Variants in RADIL observed in about 807,000 individuals in gnomAD.
RADIL encodes ras-associating and dilute domain-containing protein.
Under a neutral mutation model 97.6 loss-of-function variants are expected in RADIL, and 99 were observed. The ratio of observed to expected loss-of-function variants is 1.01; its 90% confidence interval spans 0.86 to 1.20. The LOEUF is 1.20. Among genes scored for constraint, RADIL ranks in the 50% most tolerant of loss-of-function variants. The probability of loss-of-function intolerance (pLI) is 0.00; values close to 1 mark genes in which losing one functional copy is unlikely to be tolerated. For synonymous variants in RADIL, 803 were observed against 691.8 expected, an observed-to-expected ratio of 1.16 and a Z score of -2.52; for missense variants, 1,765 against 1,498.9, an observed-to-expected ratio of 1.18 and a Z score of -2.93.
chr7:4,843,725 A>G (rs1037261891), intron 2 of RADIL, among the ~76,000 whole-genome samples: 4 of 152,160 alleles, frequency 2.6e-5, no homozygotes, highest in African/African-American at 4.8e-5. Flanking sequence ...CAGCCTGGAC[A>G]ACATGGGGAA....
In RADIL at chr7:4,877,858, CT is replaced by C; in HGVS notation, c.281del (p.Lys94ArgfsTer49). On this transcript the variant is annotated frameshift_variant, in exon 2 of 15. Transcript: ENST00000399583. LOFTEE classifies it high-confidence loss of function. ...TGTSSARELVKEALERYALDP... is the reference protein window; with the variant it reads ...TGTSSARELVXEALERYALDP... ...CCAGGGCGTACCGCTCCAGCGCCTC[CT>C]TCACCAGCTCACGGGCGCTGGAGGT... 6.2e-7 allele frequency: 1 copy of C among 1,606,254 alleles called. No homozygotes were observed.
intron 9 of RADIL, among the ~76,000 whole-genome samples, chr7:4,807,040 C>T (rs888460452): frequency 6.6e-6 from 1 of 152,128 alleles, no homozygotes; most frequent in South Asian, 2.1e-4. Context: ...ACTGCCTGCA[C>T]CTGCCTTCCC....
chr7:4,804,213 G>C (rs1324036326), intron 10 of RADIL: 10 of 250,510 alleles, frequency 4.0e-5, no homozygotes, highest in Non-Finnish European at 6.6e-5. Context: ...CCAGGAACAG[G>C]AGCACCTTTC....
intron 10 of RADIL, 28 bp from the exon 11 acceptor site, chr7:4,803,782 G>C: frequency 6.5e-7 from 1 of 1,533,870 alleles, no homozygotes; most frequent in Non-Finnish European, 8.8e-7. Flanking sequence ...TGCCCGTAAT[G>C]GCCACAGGAG....
intron 2 of RADIL, among the ~76,000 whole-genome samples, chr7:4,852,170 T>G (rs574271045): frequency 6.6e-6 from 1 of 152,228 alleles, no homozygotes; most frequent in African/African-American, 2.4e-5. Context: ...CTGGCTGGCC[T>G]AGACTGAAGG....
rs747464080 is a variant in RADIL, at chr7:4,802,000, G to A, written c.2500-5C>T. ...AAGGACCACGTGGTGCATACCCTAGGGAGAGGAAGGGTGACAGCTCAGGTA... is the reference window on the plus strand; with the variant it reads ...AAGGACCACGTGGTGCATACCCTAGAGAGAGGAAGGGTGACAGCTCAGGTA... On this transcript the variant is annotated splice_region_variant and splice_polypyrimidine_tract_variant and intron_variant, in intron 11 of 14. Transcript: ENST00000399583. 2.7e-6 allele frequency: 4 copies of A among 1,497,322 alleles called. No individual in the cohort carries two copies. Among genetic ancestry groups the A allele is most frequent in the Non-Finnish European group, 2.7e-6 (3 of 1,124,684 alleles). The allele number at this position is 1,497,322 out of a possible 1,614,324, so 92.8% of individuals were successfully genotyped here. A position where few individuals can be genotyped will look rare whatever the true frequency, so the allele number is the denominator to read the frequency against.
intron 7 of RADIL, 87 bp from the exon 8 acceptor site, chr7:4,816,552 C>T: frequency 9.2e-7 from 1 of 1,086,114 alleles, no homozygotes; most frequent in Non-Finnish European, 1.4e-6. Flanking sequence ...AGCTCCCCAC[C>T]CACGCACTGC....
chr7:4,809,743 CG>C, intron 9 of RADIL: 1 of 626,902 alleles, frequency 1.6e-6, no homozygotes, highest in Non-Finnish European at 2.0e-6. Flanking sequence ...AGTGCAGTGG[CG>C]TGATCTCGGC....
chr7:4,800,041 G>T, intron 13 of RADIL, 130 bp downstream of exon 13: 1 of 1,359,770 alleles, frequency 7.4e-7, no homozygotes, highest in Non-Finnish European at 9.7e-7. Flanking sequence ...AGCTGCAGAG[G>T]CCAACCCCAC....
intron 2 of RADIL, among the ~76,000 whole-genome samples, chr7:4,848,074 T>C (rs1189261166): frequency 6.6e-6 from 1 of 152,024 alleles, no homozygotes; most frequent in African/African-American, 2.4e-5. Flanking sequence ...CACACATCTG[T>C]AGTCCCAGCT....
intron 11 of RADIL, among the ~76,000 whole-genome samples, chr7:4,802,927 T>TGGC (rs1782158879): frequency 1.1e-4 from 4 of 35,324 alleles, no homozygotes; most frequent in East Asian, 7.0e-4. Context: ...GCTGGCTGGG[T>TGGC]CCCCTCCCCG....
In RADIL at chr7:4,835,121, C is replaced by A. The variant is rs373811916; in HGVS notation, c.902G>T (p.Arg301Leu). ...PDILPLHCTI[R>L]RQPLPDSGQA... ...GCCGCTGTCCGGGAGCGGTTGCCGGCGGATGGTGCAGTGTAGAGGCAGGAT... is the reference window on the plus strand; with the variant it reads ...GCCGCTGTCCGGGAGCGGTTGCCGGAGGATGGTGCAGTGTAGAGGCAGGAT... Residue 301 changes from arginine (R) to leucine (L), a missense_variant, in exon 4 of 15, where the codon CGC becomes CTC. By Grantham distance (102) the Arg-to-Leu change is moderately radical. Coordinates refer to ENST00000399583, the MANE Select transcript of RADIL (RefSeq NM_018059.5). The surrounding 1 kb of genome is among the most constrained non-coding windows in gnomAD (Gnocchi z 5.8). 10 of 1,609,220 alleles carry A rather than the reference C, an allele frequency of 6.2e-6. No homozygotes were observed. The highest frequency in any genetic ancestry group is 6.8e-6 in the Non-Finnish European group (8 of 1,178,288).
rs962177584 is a variant in RADIL, at chr7:4,879,648, G to A, written c.-64-1445C>T. On this transcript the variant is annotated intron_variant, in intron 1 of 14. Transcript: ENST00000399583. The surrounding 1 kb of genome is among the most constrained non-coding windows in gnomAD (Gnocchi z 4.1). ...TGTCCAGGCTTGACTCACTCGTCACGCTGCGGGCGCTGCAAAAGGCTTCTG... is the reference window on the plus strand; with the variant it reads ...TGTCCAGGCTTGACTCACTCGTCACACTGCGGGCGCTGCAAAAGGCTTCTG... 2.0e-5 allele frequency among the ~76,000 whole-genome samples: 3 copies of A among 152,146 alleles called. No individual in the cohort carries two copies. Among genetic ancestry groups the A allele is most frequent in the African/African-American group, 7.2e-5 (3 of 41,426 alleles).
chr7:4,855,799 T>G (rs1367744710), intron 2 of RADIL, among the ~76,000 whole-genome samples: 1 of 151,920 alleles, frequency 6.6e-6, no homozygotes, highest in South Asian at 2.1e-4. Flanking sequence ...GGGGATTTTA[T>G]TGTTTTCGAT....
chr7:4,817,354 G>A lies in RADIL; in HGVS notation c.1616-3C>T. The A allele has an allele frequency of 6.2e-7, 1 of 1,609,924 alleles. No homozygotes were observed. The highest frequency in any genetic ancestry group is 8.5e-7 in the Non-Finnish European group (1 of 1,178,664). ...GGAGAACAGCGATTCCTTCGAGCCT[G>A]CCGGGAGACAGCCACGCCAATGGTC... On this transcript the variant is annotated splice_polypyrimidine_tract_variant and splice_region_variant and intron_variant, in intron 6 of 14. Coordinates refer to ENST00000399583, the MANE Select transcript of RADIL (RefSeq NM_018059.5). The surrounding 1 kb of genome is among the most constrained non-coding windows in gnomAD (Gnocchi z 8.3).
At chr7:4,847,600 C>T (rs1174896413) in intron 2 of RADIL, among the ~76,000 whole-genome samples, 2 of 152,024 alleles carry the variant, frequency 1.3e-5, no homozygotes, top group East Asian at 3.9e-4. Context: ...ATCCAAATGT[C>T]CATCAACGGG....
At chr7:4,804,121 G>T in intron 10 of RADIL, 1 of 334,364 alleles carries the variant, frequency 3.0e-6, no homozygotes, top group Non-Finnish European at 5.9e-6. Flanking sequence ...CTGGACGCAA[G>T]CTCCTCCCAG....
At position 4,836,516 on chromosome 7, in the gene RADIL, G is replaced by T. The variant is rs754481411; in HGVS notation, c.625C>A (p.Pro209Thr). ...ALGDARSSPP[P>T]RLRRTVSETS... ...TCACTGACTGTGCGGCGCAACCGGG[G>T]TGGAGGAGAGCTCCGGGCATCCCCC... Residue 209 changes from proline to threonine, a missense_variant, in exon 3 of 15, where the codon CCC becomes ACC. Transcript: ENST00000399583. The T allele has an allele frequency of 5.6e-6, 9 of 1,607,424 alleles. No homozygotes were observed. The highest frequency in any genetic ancestry group is 4.0e-5 in the African/African-American group (3 of 74,858).
chr7:4,859,549 G>A (rs1490177713), intron 2 of RADIL: 11 of 214,426 alleles, frequency 5.1e-5, no homozygotes, highest in Non-Finnish European at 1.0e-4. Flanking sequence ...GTTACCAAAT[G>A]AGCCTCAATC....
Sources: allele counts gnomAD v4.1 joint callset (sites outside exome capture counted in the v4.1 genomes callset), GRCh38; gene constraint gnomAD v4.1.1; non-coding constraint Gnocchi (gnomAD v3.1); transcripts MANE v1.5; gene names NCBI Gene and HGNC (gene_info 2026-07-23, HGNC 2026-07-21).